FOXN1: variants seen among roughly 807,000 people sequenced by gnomAD.
FOXN1 encodes forkhead box N1.
A neutral mutation model predicts 49.0 loss-of-function variants in FOXN1; 15 were observed. The ratio of observed to expected loss-of-function variants is 0.31; its 90% CI spans 0.20 to 0.47. The LOEUF (loss-of-function observed/expected upper bound fraction) is 0.47, where lower values mean the gene tolerates loss of function less well. Ranked by LOEUF, FOXN1 falls within the 20% of genes least tolerant of loss-of-function variation. FOXN1 has a pLI of 1.00. For missense variants in FOXN1, 800 were observed against 842.8 expected, an observed-to-expected ratio of 0.95 and a Z score of 0.63; for synonymous variants, 356 against 369.0, an observed-to-expected ratio of 0.96 and a Z score of 0.40.
At position 28,535,171 on chromosome 17, in the gene FOXN1, C is replaced by G. The variant is rs1157248989; in HGVS notation, c.1600C>G (p.Pro534Ala). 6.2e-7 allele frequency: 1 copy of G among 1,613,456 alleles called. No homozygotes were observed. The highest frequency in any genetic ancestry group is 8.5e-7 in the Non-Finnish European group (1 of 1,179,910). ...DLGTDLDAIN[P>A]SLTDFDFQGN... ...TGGCACTGACCTGGATGCCATCAAT[C>G]CCTCACTCACTGACTTCGACTTCCA... Residue 534 changes from proline (P) to alanine (A), a missense_variant, in exon 8 of 9, where the codon CCC (proline) becomes GCC (alanine). By Grantham distance (27) the Pro-to-Ala change is conservative (BLOSUM62 -1). Transcript: ENST00000579795.
In FOXN1 at chr17:28,535,674, C is replaced by T. The variant is rs187054950; in HGVS notation, c.1627+476C>T. Among the ~76,000 whole-genome samples the T allele has an allele frequency of 1.8e-3, 267 of 152,232 alleles. 4 individuals carry two copies. The highest frequency in any genetic ancestry group is 5.7e-3 in the African/African-American group (235 of 41,546). Reference sequence around the variant, plus strand: ...TAGAGAATCACTTGAACCCGGGAGGCGGAGGTTGCAGTGAGCCAAGATCGT... The same window carrying T: ...TAGAGAATCACTTGAACCCGGGAGGTGGAGGTTGCAGTGAGCCAAGATCGT... On this transcript the variant is annotated intron_variant, in intron 8 of 8. Transcript: ENST00000579795.
chr17:28,516,753 G>A (rs1248535130), intron 1 of FOXN1, among the ~76,000 whole-genome samples: 2 of 130,360 alleles, frequency 1.5e-5, no homozygotes, highest in African/African-American at 5.8e-5. Flanking sequence ...ACTTCCACAG[G>A]GTACACACCT....
chr17:28,508,012 C>T (rs2069300812), intron 1 of FOXN1, among the ~76,000 whole-genome samples: 1 of 152,108 alleles, frequency 6.6e-6, no homozygotes, highest in African/African-American at 2.4e-5. Context: ...CCCGGCTCCC[C>T]GCCCAGCCCC....
At chr17:28,520,800 A>T (rs2069626418) in intron 1 of FOXN1, among the ~76,000 whole-genome samples, 1 of 152,152 alleles carries the variant, frequency 6.6e-6, no homozygotes, top group South Asian at 2.1e-4. Context: ...TGCAGGCCTG[A>T]GCTGGAGTTC....
chr17:28,531,834 C>A (rs1460822509), intron 6 of FOXN1, among the ~76,000 whole-genome samples: 1 of 152,130 alleles, frequency 6.6e-6, no homozygotes, highest in Non-Finnish European at 1.5e-5. Flanking sequence ...GATAATTTGA[C>A]GCTTGATGTT....
chr17:28,509,950 G>T (rs1555606726), intron 1 of FOXN1, among the ~76,000 whole-genome samples: 1 of 152,208 alleles, frequency 6.6e-6, no homozygotes, highest in Non-Finnish European at 1.5e-5. Context: ...AGTCAGCTCA[G>T]ATTAATGGGG....
At chr17:28,535,718 G>C (rs1278344457) in intron 8 of FOXN1, among the ~76,000 whole-genome samples, 5 of 152,236 alleles carry the variant, frequency 3.3e-5, no homozygotes, top group Non-Finnish European at 7.3e-5. Context: ...ACTCCAGCCT[G>C]AGTGACAGAG....
In FOXN1 at chr17:28,534,291, T is replaced by A; in HGVS notation, c.928-40T>A. 1 of 1,613,912 alleles carries A rather than the reference T, an allele frequency of 6.2e-7. No homozygotes were observed. The highest frequency in any genetic ancestry group is 8.5e-7 in the Non-Finnish European group (1 of 1,179,992). ...AGACCTGAAGCCCGCTCTGGCTTCCTGAGCCTGGCCTGAATGCTTGTCTTG... is the reference window on the plus strand; with the variant it reads ...AGACCTGAAGCCCGCTCTGGCTTCCAGAGCCTGGCCTGAATGCTTGTCTTG... On this transcript the variant is annotated intron_variant, in intron 6 of 8. Coordinates refer to ENST00000579795, the MANE Select transcript of FOXN1 (RefSeq NM_001369369.1). This position sits in a 1 kb window ranked among gnomAD's most constrained non-coding sequence, Gnocchi z 4.1.
chr17:28,528,053 T>C (rs2069813825), intron 4 of FOXN1, among the ~76,000 whole-genome samples: 1 of 152,176 alleles, frequency 6.6e-6, no homozygotes, highest in Non-Finnish European at 1.5e-5. Context: ...AGCGCCCAGC[T>C]CCATCCACCT....
chr17:28,512,691 C>A (rs1325968032), intron 1 of FOXN1, among the ~76,000 whole-genome samples: 1 of 152,208 alleles, frequency 6.6e-6, no homozygotes, highest in African/African-American at 2.4e-5. Context: ...GGGAATTCCC[C>A]TCCCCCACTA....
Position 28,537,169 on chromosome 17 carries a change from A to C in FOXN1, c.1680A>C (p.Val560=). The C allele has an allele frequency of 6.2e-7, 1 of 1,613,996 alleles. No individual in the cohort carries two copies. The highest frequency in any genetic ancestry group is 2.2e-5 in the East Asian group (1 of 44,876). Residue 560 remains valine (V), a synonymous_variant, in exon 9 of 9, where the codon GTA becomes GTC. Coordinates refer to ENST00000579795, the MANE Select transcript of FOXN1 (RefSeq NM_001369369.1). ...ATAGCTTGGCCCTCGACCCCCTGGT[A>C]CTGGTGACCTCATCCCCGACATCAT... ...KDDSLALDPL[V]LVTSSPTSSS... is the part of the protein sequence containing the mutation.
chr17:28,518,314 C>G (rs2069573116), intron 1 of FOXN1, among the ~76,000 whole-genome samples: 1 of 152,210 alleles, frequency 6.6e-6, no homozygotes, highest in South Asian at 2.1e-4. Flanking sequence ...TATAGAGGAA[C>G]TGAAGTACAG....
At chr17:28,520,410 G>C (rs1167450184) in intron 1 of FOXN1, among the ~76,000 whole-genome samples, 1 of 152,214 alleles carries the variant, frequency 6.6e-6, no homozygotes, top group African/African-American at 2.4e-5. Flanking sequence ...GTAGAATAGA[G>C]CTTTAGCTGC....
chr17:28,513,641 G>T (rs1024849964), intron 1 of FOXN1, among the ~76,000 whole-genome samples: 11 of 152,268 alleles, frequency 7.2e-5, no homozygotes, highest in African/African-American at 2.4e-4. Flanking sequence ...CTGGCCTGGG[G>T]AGACAGCCCC....
chr17:28,535,577 C>T (rs891151751), intron 8 of FOXN1, among the ~76,000 whole-genome samples: 2 of 152,158 alleles, frequency 1.3e-5, no homozygotes, highest in African/African-American at 4.8e-5. Flanking sequence ...TGGAGAAACA[C>T]TGTCTCTATT....
At chr17:28,525,337 G>T (rs536533908) in intron 3 of FOXN1, among the ~76,000 whole-genome samples, 41 of 152,300 alleles carry the variant, frequency 2.7e-4, no homozygotes, top group Admixed American at 9.1e-4. Flanking sequence ...AGGGTTTGGG[G>T]AGGAGCCATA....
chr17:28,523,928 A>G lies in FOXN1; in HGVS notation c.-14-28A>G, dbSNP rs1363021935. On this transcript the variant is annotated intron_variant, in intron 1 of 8. Coordinates refer to ENST00000579795, the MANE Select transcript of FOXN1 (RefSeq NM_001369369.1). ...TGGTCCCCACTGGATGCTGGTCCTC[A>G]CTCTCATGGCAGACGGCTTTCTTTG... 1.2e-5 allele frequency: 19 copies of G among 1,611,998 alleles called. No homozygotes were observed. The highest frequency in any genetic ancestry group is 1.6e-5 in the Non-Finnish European group (19 of 1,179,606).
chr17:28,521,185 G>A (rs1184623567), intron 1 of FOXN1, among the ~76,000 whole-genome samples: 1 of 152,232 alleles, frequency 6.6e-6, no homozygotes, highest in Non-Finnish European at 1.5e-5. Flanking sequence ...TTTGCTCAAA[G>A]TCACACAGCC....
At chr17:28,535,541 G>A (rs930071128) in intron 8 of FOXN1, among the ~76,000 whole-genome samples, 1 of 152,198 alleles carries the variant, frequency 6.6e-6, no homozygotes, top group Non-Finnish European at 1.5e-5. Flanking sequence ...CCTGAGGTCA[G>A]GCATTCGAGA....
Sources: allele counts gnomAD v4.1 joint callset (sites outside exome capture counted in the v4.1 genomes callset), GRCh38; gene constraint gnomAD v4.1.1; non-coding constraint Gnocchi (gnomAD v3.1); transcripts MANE v1.5; gene names NCBI Gene and HGNC (gene_info 2026-07-23, HGNC 2026-07-21).